SDK1: variants seen among roughly 807,000 people sequenced by gnomAD.
SDK1 encodes the protein sidekick cell adhesion molecule 1.
A neutral mutation model predicts 245.5 loss-of-function variants in SDK1; 157 were observed. That is an observed-to-expected ratio of 0.64 (90% confidence interval 0.56 to 0.73). The LOEUF (loss-of-function observed/expected upper bound fraction) is 0.73. SDK1 is among the 30% of genes least tolerant of loss of function. The pLI is 0.00. For missense variants in SDK1, 3,583 were observed against 3,002.3 expected (o/e 1.19, Z -4.52); for synonymous variants, 1,647 against 1,278.5 (o/e 1.29, Z -6.15).
chr7:3,836,085 A>G (rs1214410713), intron 5 of SDK1, among the ~76,000 whole-genome samples: 2 of 152,244 alleles, frequency 1.3e-5, no homozygotes, highest in Non-Finnish European at 2.9e-5. Flanking sequence ...AAATCAGTCA[A>G]ATTACAGCTT....
At chr7:3,416,621 C>T (rs1429308639) in intron 1 of SDK1, among the ~76,000 whole-genome samples, 1 of 152,094 alleles carries the variant, frequency 6.6e-6, no homozygotes, top group African/African-American at 2.4e-5. Flanking sequence ...CTAGTCCAGC[C>T]TTTGCCTGGA....
At chr7:3,538,466 T>C (rs1436532461) in intron 1 of SDK1, among the ~76,000 whole-genome samples, 1 of 152,214 alleles carries the variant, frequency 6.6e-6, no homozygotes, top group Non-Finnish European at 1.5e-5. Flanking sequence ...AAATCTGAAT[T>C]TCCTTATTTA....
intron 14 of SDK1, among the ~76,000 whole-genome samples, chr7:3,989,995 C>T (rs1291202040): frequency 6.6e-6 from 1 of 152,192 alleles, no homozygotes; most frequent in African/African-American, 2.4e-5. Context: ...GTGCTCATGA[C>T]GAGTGTCAGG....
intron 5 of SDK1, among the ~76,000 whole-genome samples, chr7:3,947,225 G>T (rs1386157042): frequency 6.6e-6 from 1 of 152,060 alleles, no homozygotes; most frequent in African/African-American, 2.4e-5. Context: ...TTCACTCCCT[G>T]TTGTGTAATG....
intron 1 of SDK1, among the ~76,000 whole-genome samples, chr7:3,328,891 A>G (rs1779999655): frequency 6.6e-6 from 1 of 152,116 alleles, no homozygotes; most frequent in African/African-American, 2.4e-5. Flanking sequence ...TGCAGTGAAC[A>G]ACTTTGTGCA....
At chr7:3,853,361 C>T (rs1022529315) in intron 5 of SDK1, among the ~76,000 whole-genome samples, 2 of 152,064 alleles carry the variant, frequency 1.3e-5, no homozygotes. Flanking sequence ...ACATAACTGT[C>T]CTCAAGGATG....
chr7:3,394,508 T>A (rs1562460537), intron 1 of SDK1, among the ~76,000 whole-genome samples: 1 of 152,166 alleles, frequency 6.6e-6, no homozygotes, highest in Non-Finnish European at 1.5e-5. Context: ...TCTAAATGTT[T>A]TGCATTTTCA....
rs78740884 is a variant in SDK1, at chr7:3,363,312, T to C, written c.298+61428T>C. 6.3e-3 allele frequency among the ~76,000 whole-genome samples: 955 copies of C among 152,342 alleles called. 12 individuals carry two copies. The highest frequency in any genetic ancestry group is 0.022 in the African/African-American group (896 of 41,580). On this transcript the variant is annotated intron_variant, in intron 1 of 44. Transcript: ENST00000404826. The stretch of plus-strand genomic sequence containing the variant: ...TCTATTTCAGTAATTCATTTCTTTT[T>C]TATTAAGTAGTGTTCCATGGAAACT...
At chr7:3,476,886 T>C (rs1781361593) in intron 1 of SDK1, among the ~76,000 whole-genome samples, 1 of 152,120 alleles carries the variant, frequency 6.6e-6, no homozygotes, top group Non-Finnish European at 1.5e-5. Context: ...ACTAGGGCTT[T>C]TGGCAGTAAG....
Position 4,069,152 on chromosome 7 carries a change from G to A in SDK1, c.3010+1216G>A, listed in dbSNP as rs1423879540. 3.9e-5 allele frequency among the ~76,000 whole-genome samples: 6 copies of A among 152,170 alleles called. 1 individual carries two copies. Among genetic ancestry groups the A allele is most frequent in the Admixed American group, 3.3e-4 (5 of 15,278 alleles). ...CAGATGAGGCTGGGCAGGGCCCCCT[G>A]TTCTACTGTTTTAGTCACTCTAAGA... On this transcript the variant is annotated intron_variant, in intron 20 of 44. Transcript: ENST00000404826.
At chr7:3,651,863 A>G (rs1158947775) in intron 4 of SDK1, among the ~76,000 whole-genome samples, 3 of 152,132 alleles carry the variant, frequency 2.0e-5, no homozygotes, top group Non-Finnish European at 4.4e-5. Flanking sequence ...ATGTCTTCGA[A>G]CGCCAAGGGA....
intron 1 of SDK1, among the ~76,000 whole-genome samples, chr7:3,464,350 C>T (rs1780924468): frequency 1.3e-5 from 2 of 152,034 alleles, no homozygotes; most frequent in South Asian, 4.2e-4. Flanking sequence ...ATAGCAAGAC[C>T]CCATCTTTAC....
intron 4 of SDK1, among the ~76,000 whole-genome samples, chr7:3,770,912 G>A (rs1562431039): frequency 6.6e-6 from 1 of 152,136 alleles, no homozygotes; most frequent in African/African-American, 2.4e-5. Context: ...AACATTCTTT[G>A]TTGCCATCTT....
chr7:3,967,448 A>C lies in SDK1; in HGVS notation c.1546+14A>C. ...CCTGGAAAAGAGGTGGGTAGCATCC[A>C]CTGCCCACAACAGCATGGCCCATGT... is the stretch of plus-strand genomic sequence containing the variant. On this transcript the variant is annotated intron_variant, in intron 10 of 44. Coordinates refer to ENST00000404826, the MANE Select transcript of SDK1 (RefSeq NM_152744.4). The C allele has an allele frequency of 6.8e-7, 1 of 1,469,912 alleles. No homozygotes were observed. The highest frequency in any genetic ancestry group is 1.1e-5 in the South Asian group (1 of 88,264). The allele number at this position is 1,469,912 out of a possible 1,614,324, so 91.1% of individuals were successfully genotyped here.
chr7:4,189,321 A>G (rs1783059810), intron 35 of SDK1, among the ~76,000 whole-genome samples: 1 of 152,174 alleles, frequency 6.6e-6, no homozygotes, highest in Non-Finnish European at 1.5e-5. Context: ...CCCACCGCCA[A>G]TCGCAGCTCA....
chr7:3,681,075 C>T (rs1784084670), intron 4 of SDK1, among the ~76,000 whole-genome samples: 1 of 152,172 alleles, frequency 6.6e-6, no homozygotes, highest in Admixed American at 6.5e-5. Flanking sequence ...GATCTCCTGA[C>T]CTTGTGATCC....
intron 6 of SDK1, 23 bp from the exon 7 acceptor site, chr7:3,951,707 A>C: frequency 1.2e-6 from 2 of 1,608,848 alleles, no homozygotes; most frequent in East Asian, 4.5e-5. Context: ...AATCGTCGTC[A>C]TGAATGCCTT....
intron 4 of SDK1, among the ~76,000 whole-genome samples, chr7:3,776,965 A>T (rs1780584330): frequency 6.6e-6 from 1 of 152,110 alleles, no homozygotes; most frequent in Admixed American, 6.5e-5. Context: ...AGGAAGAAAG[A>T]TCTGTTTCCA....
chr7:3,910,408 G>A (rs1414772112), intron 5 of SDK1, among the ~76,000 whole-genome samples: 1 of 152,096 alleles, frequency 6.6e-6, no homozygotes, highest in African/African-American at 2.4e-5. Context: ...TAGCTGCATA[G>A]TGCGGAATAT....
Sources: gnomAD v4.1 joint callset for allele counts (sites outside exome capture counted in the v4.1 genomes callset) on GRCh38, gnomAD v4.1.1 for gene constraint, MANE v1.5 for transcripts, NCBI Gene and HGNC (gene_info 2026-07-23, HGNC 2026-07-21) for gene names.